The following PRRC2B variants were observed in gnomAD, a reference collection of about 807,000 sequenced individuals.
PRRC2B encodes the protein protein PRRC2B.
A neutral mutation model predicts 242.3 loss-of-function variants in PRRC2B; 68 were observed. That is an observed-to-expected ratio of 0.28 (90% CI 0.23 to 0.34). PRRC2B has a LOEUF of 0.34. Ranked by LOEUF, PRRC2B falls within the 10% of genes least tolerant of loss-of-function variation. The probability of loss-of-function intolerance (pLI) is 1.00; values close to 1 mark genes in which losing one functional copy is unlikely to be tolerated. For missense variants in PRRC2B, 2,835 were observed against 2,954.8 expected (o/e 0.96, Z 0.94); for synonymous variants, 1,228 against 1,173.6 (o/e 1.05, Z -0.95).
rs745386263 is a variant in PRRC2B at position 131,464,982 on chromosome 9, G to A, written c.1624G>A (p.Ala542Thr). ...LDQKCKQARK[A>T]GEARKQAEKE... ...CCAGAAGTGTAAGCAGGCACGAAAG[G>A]CAGGTGAGGCCCGGAAGCAGGCAGA... is the stretch of plus-strand genomic sequence containing the variant. The change falls in exon 12 of 32, where the codon GCA becomes ACA. Residue 542 changes from alanine (A) to threonine (T), a missense_variant. By Grantham distance (58) the Ala-to-Thr change is moderately conservative. This residue lies in a region of PRRC2B where 1,536 missense variants were observed against 1,483.1 expected (regional missense o/e 1.04). Transcript: ENST00000683519. 8 of 1,613,988 alleles carry A rather than the reference G, an allele frequency of 5.0e-6. No individual in the cohort carries two copies. In the East Asian group the frequency reaches 8.9e-5, roughly 18 times the overall value.
In PRRC2B at chr9:131,473,717, C is replaced by G. The variant is rs200933338; in HGVS notation, c.2317C>G (p.Arg773Gly). 2.5e-6 allele frequency: 4 copies of G among 1,612,060 alleles called. No individual in the cohort carries two copies. Among genetic ancestry groups the G allele is most frequent in the African/African-American group, 2.7e-5 (2 of 74,894 alleles). The change falls in exon 15 of 32, where the codon CGT (arginine) becomes GGT (glycine). Residue 773 changes from arginine to glycine, a missense_variant. Coordinates refer to ENST00000683519, the MANE Select transcript of PRRC2B (RefSeq NM_013318.4). The part of the protein sequence containing the change: ...KSSDTLAMDM[R>G]VRNESSFSAS... ...GAGTGACACCTTGGCTATGGACATG[C>G]GTGTCAGGTGAGATGAAGCCTGGTC...
intron 1 of PRRC2B, among the ~76,000 whole-genome samples, chr9:131,403,978 G>C (rs1015298127): frequency 6.6e-6 from 1 of 151,402 alleles, no homozygotes; most frequent in African/African-American, 2.4e-5. Context: ...GGTGGGTCTC[G>C]CTATGTTGAC....
rs112768606 is a variant in PRRC2B, at chr9:131,450,965, C to A, written c.1120+3161C>A. 6.0e-3 allele frequency among the ~76,000 whole-genome samples: 908 copies of A among 152,304 alleles called. 9 individuals are homozygous for A. The highest frequency in any genetic ancestry group is 0.021 in the African/African-American group (873 of 41,568). On this transcript the variant is annotated intron_variant, in intron 9 of 31. Coordinates refer to ENST00000683519, the MANE Select transcript of PRRC2B (RefSeq NM_013318.4). ...TTTCATTTCTCTCAGCAGTGTCTTACTTACAGTTTTCATGTAGAGGTCCTG... is the reference window on the plus strand; with the variant it reads ...TTTCATTTCTCTCAGCAGTGTCTTAATTACAGTTTTCATGTAGAGGTCCTG...
At chr9:131,410,813 A>G (rs540023934) in intron 1 of PRRC2B, among the ~76,000 whole-genome samples, 33 of 152,012 alleles carry the variant, frequency 2.2e-4, no homozygotes, top group African/African-American at 8.0e-4. Flanking sequence ...TACACTCCCT[A>G]GCTCTCTTTA....
At chr9:131,416,329 G>A (rs909525568) in intron 1 of PRRC2B, among the ~76,000 whole-genome samples, 15 of 152,100 alleles carry the variant, frequency 9.9e-5, no homozygotes, top group Middle Eastern at 3.4e-3. Context: ...GGCTGGTCTC[G>A]AACCCCTGAC....
At position 131,482,997 on chromosome 9, in the gene PRRC2B, A is replaced by G. The variant is rs1161272177; in HGVS notation, c.5373+90A>G. ...GGGGGCTCAGATGGGATTGTCTCCT[A>G]GAAGGAATAGAAGGATGGGAGCCAA... On this transcript the variant is annotated intron_variant, in intron 22 of 31. Transcript: ENST00000683519. The surrounding 1 kb of genome is among the most constrained non-coding windows in gnomAD (Gnocchi z 5.2). The G allele has an allele frequency of 2.1e-5, 29 of 1,406,652 alleles. No homozygotes were observed. The African/African-American group carries it at 3.6e-4, about 17-fold the overall frequency. 87.1% of individuals were successfully genotyped at this position (1,406,652 alleles called of 1,614,324 possible). A position where few individuals can be genotyped will look rare whatever the true frequency, so the allele number is the denominator to read the frequency against.
intron 28 of PRRC2B, 105 bp downstream of exon 28, chr9:131,488,201 T>G: frequency 1.4e-6 from 2 of 1,445,820 alleles, no homozygotes. Context: ...ATCGTGCTGT[T>G]GGTTGGTAGC....
intron 15 of PRRC2B, among the ~76,000 whole-genome samples, chr9:131,473,962 C>A (rs930777510): frequency 6.6e-6 from 1 of 152,178 alleles, no homozygotes; most frequent in Non-Finnish European, 1.5e-5. Flanking sequence ...CCGGGGTCCT[C>A]AAATCCTGGG....
chr9:131,411,244 G>A (rs910883110), intron 1 of PRRC2B, among the ~76,000 whole-genome samples: 15 of 152,078 alleles, frequency 9.9e-5, no homozygotes, highest in Non-Finnish European at 1.9e-4. Flanking sequence ...GTGACAGAGC[G>A]AGACTGTGTC....
chr9:131,415,511 A>G (rs2994040), intron 1 of PRRC2B, among the ~76,000 whole-genome samples: 112,275 of 152,126 alleles, frequency 0.74, 42,593 homozygotes, highest in East Asian at 0.93. Flanking sequence ...GGCAGACAGG[A>G]GTGGTCCCAC....
intron 1 of PRRC2B, among the ~76,000 whole-genome samples, chr9:131,402,434 C>T (rs59085821): frequency 1.3e-5 from 2 of 152,224 alleles, no homozygotes; most frequent in African/African-American, 2.4e-5. Context: ...TAACTTCATT[C>T]TTAAGGCAGA....
Position 131,475,856 on chromosome 9 carries a change from G to C in PRRC2B, c.3727G>C (p.Asp1243His), listed in dbSNP as rs748403259. Residue 1243 changes from aspartate to histidine, a missense_variant, in exon 16 of 32, where the codon GAC becomes CAC. Physicochemically the swap from Asp to His is moderately conservative, Grantham distance 81. This residue lies in a region of PRRC2B where 1,536 missense variants were observed against 1,483.1 expected (regional missense o/e 1.04). Transcript: ENST00000683519. ...GSSWQEYGPS[D>H]TCGSRRPTDR... ...CTCTTGGCAGGAATATGGCCCTTCC[G>C]ACACATGCGGATCCCGGCGACCTAC... 4 of 1,613,648 alleles carry C rather than the reference G, an allele frequency of 2.5e-6. No individual in the cohort carries two copies. The highest frequency in any genetic ancestry group is 3.4e-6 in the Non-Finnish European group (4 of 1,179,664).
At chr9:131,404,593 A>AG (rs1368946463) in intron 1 of PRRC2B, among the ~76,000 whole-genome samples, 1 of 12,384 alleles carries the variant, frequency 8.1e-5, no homozygotes, top group Non-Finnish European at 4.1e-4. Context: ...ACTCTCTCTG[A>AG]AAAAAAAACC....
At position 131,474,686 on chromosome 9, in the gene PRRC2B, T is replaced by A. The variant is rs775011098; in HGVS notation, c.2557T>A (p.Ser853Thr). The change falls in exon 16 of 32, where the codon TCC becomes ACC. Residue 853 changes from serine to threonine, a missense_variant. By Grantham distance (58) the Ser-to-Thr change is moderately conservative (BLOSUM62 1). Around this residue, in one of 7 missense-constraint regions of PRRC2B, gnomAD observed 1,536 missense variants for 1,483.1 expected, o/e 1.04. Transcript: ENST00000683519. ...PGGHTQNLRC[S>T]PLEPDFVPDE... ...GGGTCACACCCAAAACCTCAGGTGT[T>A]CCCCATTGGAGCCTGACTTTGTCCC... The A allele has an allele frequency of 6.2e-7, 1 of 1,613,206 alleles. No homozygotes were observed. The highest frequency in any genetic ancestry group is 2.2e-5 in the East Asian group (1 of 44,868).
chr9:131,472,142 G>A (rs945458574), intron 14 of PRRC2B, among the ~76,000 whole-genome samples: 6 of 152,104 alleles, frequency 3.9e-5, no homozygotes, highest in African/African-American at 1.2e-4. Flanking sequence ...CTGTTGATAA[G>A]TATTTGAAGT....
At chr9:131,468,075 G>T (rs879930395) in intron 13 of PRRC2B, among the ~76,000 whole-genome samples, 1 of 152,212 alleles carries the variant, frequency 6.6e-6, no homozygotes, top group Admixed American at 6.5e-5. Flanking sequence ...TTTTTCTAGT[G>T]TGCAGGCTGG....
At chr9:131,423,508 G>A (rs955797761) in intron 1 of PRRC2B, among the ~76,000 whole-genome samples, 1 of 152,198 alleles carries the variant, frequency 6.6e-6, no homozygotes, top group Non-Finnish European at 1.5e-5. Flanking sequence ...GCTTGTGGGC[G>A]GGGCCAGCCT....
chr9:131,476,281 C>G lies in PRRC2B; in HGVS notation c.4152C>G (p.Ser1384Arg). The change falls in exon 16 of 32, where the codon AGC becomes AGG. Residue 1384 changes from serine to arginine, a missense_variant. Ser to Arg is a moderately radical substitution (Grantham distance 110). Around this residue, in one of 7 missense-constraint regions of PRRC2B, gnomAD observed 1,536 missense variants for 1,483.1 expected, o/e 1.04. Transcript: ENST00000683519. Reference sequence around the variant, plus strand: ...CGGCCTCCGAAAGCAGCGACTTCAGCGAGCGGCGGGAGCGGCGGGAAGGCC... The same window carrying G: ...CGGCCTCCGAAAGCAGCGACTTCAGGGAGCGGCGGGAGCGGCGGGAAGGCC... ...WETASESSDFSERRERREGPG... is the reference protein window; with the variant it reads ...WETASESSDFRERRERREGPG... 3 of 1,607,708 alleles carry G rather than the reference C, an allele frequency of 1.9e-6. No homozygotes were observed. Among genetic ancestry groups the G allele is most frequent in the Non-Finnish European group, 2.5e-6 (3 of 1,177,170 alleles).
chr9:131,429,823 A>T (rs1253598143), intron 1 of PRRC2B, among the ~76,000 whole-genome samples: 1 of 152,156 alleles, frequency 6.6e-6, no homozygotes, highest in Non-Finnish European at 1.5e-5. Context: ...CAGCCAACTC[A>T]GAGTGAGAGG....
Sources: allele counts gnomAD v4.1 joint callset (sites outside exome capture counted in the v4.1 genomes callset), GRCh38; gene constraint gnomAD v4.1.1; regional missense constraint gnomAD v4.1.1; non-coding constraint Gnocchi (gnomAD v3.1); transcripts MANE v1.5; gene names NCBI Gene and HGNC (gene_info 2026-07-23, HGNC 2026-07-21).